The following MACROH2A2 variants were observed in gnomAD, a reference collection of about 807,000 sequenced individuals.
MACROH2A2 encodes the protein macroH2A.2 histone.
A neutral mutation model predicts 37.6 loss-of-function variants in MACROH2A2; 6 were observed. The ratio of observed to expected loss-of-function variants is 0.16; its 90% CI spans 0.09 to 0.32. The LOEUF (loss-of-function observed/expected upper bound fraction) is 0.32, where lower values mean the gene tolerates loss of function less well. Among genes scored for constraint, MACROH2A2 ranks in the 10% least tolerant of loss-of-function variants. MACROH2A2 has a pLI of 1.00. For synonymous variants in MACROH2A2, 192 were observed against 202.7 expected (o/e 0.95, Z 0.45); for missense variants, 290 against 485.9 (o/e 0.60, Z 3.79).
chr10:70,057,848 C>A (rs1350287471), intron 1 of MACROH2A2, among the ~76,000 whole-genome samples: 1 of 152,146 alleles, frequency 6.6e-6, no homozygotes, highest in Non-Finnish European at 1.5e-5. Context: ...CCATTTAATT[C>A]TGACAGCAGC....
At position 70,095,672 on chromosome 10, in the gene MACROH2A2, G is replaced by A. The variant is rs1391291127; in HGVS notation, c.607G>A (p.Asp203Asn). The change falls in exon 6 of 9, where the codon GAC (aspartate) becomes AAC (asparagine). Residue 203 changes from aspartate to asparagine, a missense_variant. By Grantham distance (23) the Asp-to-Asn change is conservative. Coordinates refer to ENST00000373255, the MANE Select transcript of MACROH2A2 (RefSeq NM_018649.3). The stretch of plus-strand genomic sequence containing the variant: ...AATGCAGCTGTCCTTAACCCAGAGT[G>A]ACATCAGCCATATTGGCTCCATGAG... ...LGQKLSLTQS[D>N]ISHIGSMRVE... 1.3e-6 allele frequency: 2 copies of A among 1,565,934 alleles called. No individual in the cohort carries two copies. The highest frequency in any genetic ancestry group is 1.8e-6 in the Non-Finnish European group (2 of 1,136,238).
At chr10:70,063,167 T>C (rs1463804061) in intron 1 of MACROH2A2, among the ~76,000 whole-genome samples, 4 of 152,190 alleles carry the variant, frequency 2.6e-5, no homozygotes, top group African/African-American at 9.6e-5. Flanking sequence ...CAGCTCCTTA[T>C]ACTTGATAAA....
intron 1 of MACROH2A2, among the ~76,000 whole-genome samples, chr10:70,059,571 A>G (rs992811870): frequency 1.6e-4 from 24 of 152,108 alleles, no homozygotes; most frequent in African/African-American, 5.5e-4. Context: ...GAGTTTCACC[A>G]TGTTGGCCAG....
intron 2 of MACROH2A2, among the ~76,000 whole-genome samples, chr10:70,084,804 G>A (rs1275413014): frequency 2.0e-5 from 3 of 152,116 alleles, no homozygotes; most frequent in Non-Finnish European, 4.4e-5. Context: ...GTTTCGCCGT[G>A]TTGCCCAGGC....
intron 2 of MACROH2A2, 87 bp from the exon 3 acceptor site, chr10:70,089,973 G>A: frequency 1.2e-6 from 1 of 842,956 alleles, no homozygotes; most frequent in East Asian, 2.4e-5. Context: ...GAATGAATGT[G>A]ATCAAACTTG....
intron 1 of MACROH2A2, among the ~76,000 whole-genome samples, chr10:70,071,314 T>A (rs1256503289): frequency 6.6e-6 from 1 of 152,176 alleles, no homozygotes; most frequent in Non-Finnish European, 1.5e-5. Context: ...AGCACATAAT[T>A]GGCTTAGGAG....
intron 7 of MACROH2A2, among the ~76,000 whole-genome samples, chr10:70,106,830 C>T (rs2072340965): frequency 1.4e-5 from 2 of 147,714 alleles, no homozygotes; most frequent in Non-Finnish European, 3.0e-5. Context: ...AAAGACTTTA[C>T]ATTAGAGGAA....
At chr10:70,092,882 A>G (rs373507288) in intron 4 of MACROH2A2, among the ~76,000 whole-genome samples, 45 of 152,290 alleles carry the variant, frequency 3.0e-4, no homozygotes, top group African/African-American at 9.9e-4. Context: ...GGTGTTTGGC[A>G]TATACTTGAT....
chr10:70,095,549 T>G, intron 5 of MACROH2A2, 105 bp from the exon 6 acceptor site: 1 of 649,224 alleles, frequency 1.5e-6, no homozygotes, highest in Non-Finnish European at 2.8e-6. Context: ...TATGTTGACA[T>G]TGGGTATGAA....
chr10:70,090,204 T>C, intron 3 of MACROH2A2, 38 bp downstream of exon 3: 1 of 1,333,732 alleles, frequency 7.5e-7, no homozygotes, highest in Non-Finnish European at 1.1e-6. Context: ...TAGAATGGGT[T>C]TGCCAAACAT....
chr10:70,095,478 A>G (rs995018461), intron 5 of MACROH2A2, among the ~76,000 whole-genome samples, 176 bp from the exon 6 acceptor site: 15 of 152,228 alleles, frequency 9.9e-5, no homozygotes, highest in African/African-American at 3.6e-4. Context: ...ACTGAGCTCA[A>G]AGAGCTTATT....
Position 70,111,614 on chromosome 10 carries a change from C to T in MACROH2A2, c.1050C>T (p.Tyr350=). ...GCGCGTCCTCGCTGAAGAACGTGTA[C>T]TTCCTGCTCTTCGACAGCGAGAGCA... ...DSSASSLKNV[Y]FLLFDSESIG... is the part of the protein sequence containing the mutation. The change falls in exon 9 of 9, where the codon TAC becomes TAT. Residue 350 remains tyrosine, a synonymous_variant. Transcript: ENST00000373255. The T allele has an allele frequency of 6.2e-7, 1 of 1,613,642 alleles. No homozygotes were observed.
At chr10:70,056,346 C>T (rs901123989) in intron 1 of MACROH2A2, among the ~76,000 whole-genome samples, 1 of 152,198 alleles carries the variant, frequency 6.6e-6, no homozygotes, top group Non-Finnish European at 1.5e-5. Flanking sequence ...CTCCTAGGCT[C>T]AAGTGATCCT....
At chr10:70,054,303 C>T (rs998346866) in intron 1 of MACROH2A2, among the ~76,000 whole-genome samples, 1 of 152,234 alleles carries the variant, frequency 6.6e-6, no homozygotes, top group Admixed American at 6.5e-5. Context: ...TGAGGGGACG[C>T]GATGGGAACC....
chr10:70,079,521 G>C (rs1417211094), intron 2 of MACROH2A2, among the ~76,000 whole-genome samples: 1 of 151,778 alleles, frequency 6.6e-6, no homozygotes, highest in Non-Finnish European at 1.5e-5. Flanking sequence ...GCGCTAGACT[G>C]TGACGGCCCT....
chr10:70,073,690 A>G (rs1318236008), intron 1 of MACROH2A2, among the ~76,000 whole-genome samples: 1 of 152,198 alleles, frequency 6.6e-6, no homozygotes, highest in African/African-American at 2.4e-5. Flanking sequence ...AGAGCTTTTA[A>G]TATAGTCTCC....
chr10:70,105,648 G>C (rs1007060476), intron 7 of MACROH2A2, among the ~76,000 whole-genome samples: 9 of 152,000 alleles, frequency 5.9e-5, no homozygotes, highest in Admixed American at 3.3e-4. Context: ...GGAGTTTAAG[G>C]ACCTTGGCTC....
chr10:70,067,206 C>T (rs2072084610), intron 1 of MACROH2A2, among the ~76,000 whole-genome samples: 2 of 152,088 alleles, frequency 1.3e-5, no homozygotes, highest in South Asian at 4.1e-4. Context: ...TGTATTTCCC[C>T]TAAGCACAGT....
intron 6 of MACROH2A2, 111 bp downstream of exon 6, chr10:70,095,864 C>G (rs1407038395): frequency 1.3e-5 from 8 of 634,442 alleles, no homozygotes; most frequent in Non-Finnish European, 2.3e-5. Flanking sequence ...GGTCCCATGT[C>G]AAGCTCTGTC....
Sources: gnomAD v4.1 joint callset for allele counts (sites outside exome capture counted in the v4.1 genomes callset) on GRCh38, gnomAD v4.1.1 for gene constraint, MANE v1.5 for transcripts, NCBI Gene and HGNC (gene_info 2026-07-23, HGNC 2026-07-21) for gene names.